Variants in PCM1 observed in about 807,000 individuals in gnomAD.
PCM1 encodes pericentriolar material 1.
PCM1 carries 157 observed loss-of-function variants against 241.9 expected under a neutral mutation model. That is an observed-to-expected ratio of 0.65 (90% confidence interval 0.57 to 0.74). The LOEUF (loss-of-function observed/expected upper bound fraction) is 0.74, where lower values mean the gene tolerates loss of function less well. Ranked by LOEUF, PCM1 falls within the 30% of genes least tolerant of loss-of-function variation. The probability of loss-of-function intolerance (pLI) is 0.00; values close to 1 mark genes in which losing one functional copy is unlikely to be tolerated. For missense variants in PCM1, 3,478 were observed against 2,360.1 expected, an observed-to-expected ratio of 1.47 and a Z score of -9.81; for synonymous variants, 1,085 against 784.9, an observed-to-expected ratio of 1.38 and a Z score of -6.39.
At chr8:17,925,174 A>C (rs774269110) in intron 2 of PCM1, 1 of 152,188 alleles carries the variant, frequency 6.6e-6, no homozygotes, top group Non-Finnish European at 1.5e-5. Flanking sequence ...CTACTTGTCG[A>C]ACTTGTTATA....
intron 26 of PCM1, 110 bp from the exon 27 acceptor site, chr8:17,989,749 A>G (rs2083867413): frequency 2.6e-6 from 2 of 761,176 alleles, no homozygotes; most frequent in South Asian, 2.2e-5. Context: ...AAACTTATGA[A>G]TATCTTTTAA....
rs1168663514 is a variant in PCM1 at position 17,967,102 on chromosome 8, G to C, written c.3344G>C (p.Ser1115Thr). The C allele has an allele frequency of 2.5e-6, 4 of 1,607,678 alleles. No homozygotes were observed. The highest frequency in any genetic ancestry group is 2.7e-5 in the African/African-American group (2 of 74,962). The change falls in exon 21 of 39, where the codon AGC (serine) becomes ACC (threonine). Residue 1115 changes from serine to threonine, a missense_variant. Transcript: ENST00000325083. ...PPSPSLFCPFSFPTQPVNLFN... is the reference protein window; with the variant it reads ...PPSPSLFCPFTFPTQPVNLFN... The stretch of plus-strand genomic sequence containing the variant: ...TCTCCCAGTTTATTTTGTCCTTTCA[G>C]CTTTCCAACACAGCCTGTAAATCTC...
chr8:17,933,448 C>G (rs1220000803), intron 2 of PCM1, among the ~76,000 whole-genome samples: 1 of 152,130 alleles, frequency 6.6e-6, no homozygotes, highest in Non-Finnish European at 1.5e-5. Flanking sequence ...ATTATTTTGT[C>G]AAGTTCTAAG....
chr8:17,978,574 A>G (rs899793463), intron 23 of PCM1, among the ~76,000 whole-genome samples: 5 of 152,104 alleles, frequency 3.3e-5, no homozygotes, highest in Non-Finnish European at 2.9e-5. Context: ...ATGACGCTAC[A>G]CAGTTGACAA....
Position 17,955,671 on chromosome 8 carries a change from A to C in PCM1, c.1472+18A>C, listed in dbSNP as rs1246464930. On this transcript the variant is annotated intron_variant, in intron 10 of 38. Transcript: ENST00000325083. ...AAACTCCAGTAAAACATTTATAATC[A>C]TTGTTTACATGAAGTTAAATAATAG... 1 of 1,580,404 alleles carries C rather than the reference A, an allele frequency of 6.3e-7. No individual in the cohort carries two copies. Among genetic ancestry groups the C allele is most frequent in the Middle Eastern group, 1.7e-4 (1 of 5,784 alleles).
At chr8:17,948,896 C>T (rs1439419691) in intron 7 of PCM1, among the ~76,000 whole-genome samples, 2 of 152,146 alleles carry the variant, frequency 1.3e-5, no homozygotes, top group African/African-American at 2.4e-5. Context: ...CTCCTTTGAT[C>T]ATCAGAGATT....
At chr8:17,990,089 G>T (rs2084005381) in intron 27 of PCM1, 110 bp downstream of exon 27, 2 of 791,422 alleles carry the variant, frequency 2.5e-6, no homozygotes, top group African/African-American at 1.8e-5. Context: ...GTGTGTGGTT[G>T]AAAGAATGTG....
rs973626451 is a variant in PCM1, at chr8:17,963,041, C to T, written c.2464-60C>T. 48 of 1,279,258 alleles carry T rather than the reference C, an allele frequency of 3.8e-5. No homozygotes were observed. In the Admixed American group the frequency reaches 1.0e-3, roughly 28 times the overall value. 79.2% of individuals were successfully genotyped at this position (1,279,258 alleles called of 1,614,324 possible). A position where few individuals can be genotyped will look rare whatever the true frequency, so the allele number is the denominator to read the frequency against. ...TACTGACAATACTAGTAGTCTTTTA[C>T]TCTTTTAGGCTACAGCAAATCCAAA... On this transcript the variant is annotated intron_variant, in intron 16 of 38. Transcript: ENST00000325083.
rs765347894 is a variant in PCM1, at chr8:17,952,975, A to T, written c.1077A>T (p.Pro359=). The T allele has an allele frequency of 2.2e-5, 35 of 1,563,256 alleles. No individual in the cohort carries two copies. Among genetic ancestry groups the T allele is most frequent in the Non-Finnish European group, 2.9e-5 (33 of 1,154,654 alleles). The part of the protein sequence containing the change: ...FHNQLRDSQP[P]AVPDNRRQAE... Reference sequence around the variant, plus strand: ...TGTTGTTTTTTTTTAATAAGCCTCCAGCTGTTCCAGACAATAGAAGACAGG... The same window carrying T: ...TGTTGTTTTTTTTTAATAAGCCTCCTGCTGTTCCAGACAATAGAAGACAGG... Residue 359 remains proline (P), a synonymous_variant, in exon 9 of 39, where the codon CCA becomes CCT. Transcript: ENST00000325083.
rs752025011 is a variant in PCM1, at chr8:18,011,811, A to G, written c.5495A>G (p.Asn1832Ser). 2.5e-6 allele frequency: 4 copies of G among 1,612,734 alleles called. No individual in the cohort carries two copies. Among genetic ancestry groups the G allele is most frequent in the African/African-American group, 1.3e-5 (1 of 74,846 alleles). The change falls in exon 34 of 39, where the codon AAT (asparagine) becomes AGT (serine). Residue 1832 changes from asparagine to serine, a missense_variant. Coordinates refer to ENST00000325083, the MANE Select transcript of PCM1 (RefSeq NM_006197.4). ...GCTAACACTGAAGCTACTGAAGAAA[A>G]TGAACATGATGAACAGGTATTCCCG... ...LQANTEATEE[N>S]EHDEQVLQRD...
intron 2 of PCM1, chr8:17,926,164 T>G (rs1285544955): frequency 2.6e-5 from 4 of 152,158 alleles, no homozygotes; most frequent in African/African-American, 9.7e-5. Flanking sequence ...GTTATAAGAT[T>G]TTCCTTTTAG....
intron 6 of PCM1, among the ~76,000 whole-genome samples, chr8:17,940,505 A>T (rs2061696032): frequency 6.6e-6 from 1 of 152,210 alleles, no homozygotes; most frequent in Admixed American, 6.5e-5. Context: ...AATAGGCAAC[A>T]TTAGTGATTA....
chr8:17,955,435 T>TA, intron 9 of PCM1, 35 bp from the exon 10 acceptor site: 1 of 1,499,850 alleles, frequency 6.7e-7, no homozygotes, highest in Non-Finnish European at 8.9e-7. Context: ...TAACTGGTGA[T>TA]TAAAAAAAAT....
At chr8:17,986,369 A>C (rs1419348252) in intron 26 of PCM1, 1 of 196,212 alleles carries the variant, frequency 5.1e-6, no homozygotes, top group Non-Finnish European at 1.0e-5. Context: ...CTCTTAAAAG[A>C]CATTTACAAA....
intron 35 of PCM1, among the ~76,000 whole-genome samples, chr8:18,014,305 T>C (rs549963047): frequency 1.1e-3 from 161 of 151,572 alleles, no homozygotes; most frequent in African/African-American, 3.9e-3. Context: ...CAAATAATGG[T>C]AGATTTAAAA....
Position 17,985,653 on chromosome 8 carries a change from A to G in PCM1, c.4281+34A>G, listed in dbSNP as rs188607775. 9.4e-5 allele frequency: 140 copies of G among 1,488,570 alleles called. No individual in the cohort carries two copies. The African/African-American group carries it at 1.4e-3, about 14-fold the overall frequency. 92.2% of individuals were successfully genotyped at this position (1,488,570 alleles called of 1,614,324 possible). On this transcript the variant is annotated intron_variant, in intron 25 of 38. Transcript: ENST00000325083. Reference sequence around the variant, plus strand: ...TACCTAACATAATTTTTCCTACCCTATTATCACCTTCTTCATGATTATCTC... The same window carrying G: ...TACCTAACATAATTTTTCCTACCCTGTTATCACCTTCTTCATGATTATCTC...
chr8:17,948,440 G>C (rs2064728351), intron 7 of PCM1, among the ~76,000 whole-genome samples: 1 of 151,562 alleles, frequency 6.6e-6, no homozygotes, highest in Non-Finnish European at 1.5e-5. Context: ...GAGTAGCTGG[G>C]ATTACAGGTG....
chr8:18,026,545 C>T (rs1357765063), intron 38 of PCM1, among the ~76,000 whole-genome samples: 1 of 151,822 alleles, frequency 6.6e-6, no homozygotes, highest in East Asian at 1.9e-4. Context: ...AGGCGTGAAC[C>T]ACCATGCCCA....
chr8:17,988,902 G>A (rs1272957328), intron 26 of PCM1, among the ~76,000 whole-genome samples: 1 of 151,952 alleles, frequency 6.6e-6, no homozygotes, highest in African/African-American at 2.4e-5. Flanking sequence ...CAGTTTGGCA[G>A]TTGCTTATAA....
Sources: allele counts gnomAD v4.1 joint callset (sites outside exome capture counted in the v4.1 genomes callset), GRCh38; gene constraint gnomAD v4.1.1; transcripts MANE v1.5; gene names NCBI Gene and HGNC (gene_info 2026-07-23, HGNC 2026-07-21).